TIAM1: variants seen among roughly 807,000 people sequenced by gnomAD.
TIAM1 encodes the protein TIAM Rac1 associated GEF 1.
In TIAM1, 65 loss-of-function variants were observed where a neutral mutation model predicts 163.5. The observed-to-expected ratio is 0.40, with a 90% CI of 0.33 to 0.49. The LOEUF is 0.49. Ranked by LOEUF, TIAM1 falls within the 20% of genes least tolerant of loss-of-function variation. The pLI is 0.77. For synonymous variants in TIAM1, 833 were observed against 810.1 expected (o/e 1.03, Z -0.48); for missense variants, 1,789 against 2,044.7 (o/e 0.87, Z 2.41).
At chr21:31,219,079 T>C (rs986497732) in intron 8 of TIAM1, among the ~76,000 whole-genome samples, 1 of 138,856 alleles carries the variant, frequency 7.2e-6, no homozygotes, top group Non-Finnish European at 1.5e-5. Context: ...TCACCCAGGC[T>C]GGAGTCCAGT....
chr21:31,202,711 C>T (rs546367593), intron 12 of TIAM1, among the ~76,000 whole-genome samples, 197 bp downstream of exon 12: 2 of 152,340 alleles, frequency 1.3e-5, no homozygotes, highest in South Asian at 4.1e-4. Flanking sequence ...TGCACTGCTT[C>T]GTGCGTAAAC....
At chr21:31,463,660 A>T (rs1367657513) in intron 2 of TIAM1, among the ~76,000 whole-genome samples, 1 of 152,114 alleles carries the variant, frequency 6.6e-6, no homozygotes, top group African/African-American at 2.4e-5. Context: ...TCTACTAAAA[A>T]TACAAAAATC....
At chr21:31,135,805 G>T in intron 23 of TIAM1, 128 bp downstream of exon 23, 1 of 828,894 alleles carries the variant, frequency 1.2e-6, no homozygotes, top group South Asian at 1.7e-5. Context: ...GGCTACGGCA[G>T]GAAGACCGAT....
At chr21:31,539,341 C>T (rs894817146) in intron 1 of TIAM1, among the ~76,000 whole-genome samples, 1 of 150,538 alleles carries the variant, frequency 6.6e-6, no homozygotes, top group African/African-American at 2.5e-5. Context: ...TCTCGGCTCA[C>T]TGCAAGCTCC....
intron 1 of TIAM1, among the ~76,000 whole-genome samples, chr21:31,469,587 G>C (rs2045662797): frequency 6.6e-6 from 1 of 152,120 alleles, no homozygotes; most frequent in African/African-American, 2.4e-5. Context: ...CCAGCACTTT[G>C]GGAGGCCAAG....
At chr21:31,495,028 A>G (rs912823797) in intron 1 of TIAM1, among the ~76,000 whole-genome samples, 1 of 152,188 alleles carries the variant, frequency 6.6e-6, no homozygotes. Flanking sequence ...AATACTCTAA[A>G]ATAGGTCAGG....
At chr21:31,481,870 C>G (rs1028450050) in intron 1 of TIAM1, among the ~76,000 whole-genome samples, 1 of 152,006 alleles carries the variant, frequency 6.6e-6, no homozygotes, top group Non-Finnish European at 1.5e-5. Flanking sequence ...CAATCTCTCG[C>G]CCCTCTCTCC....
chr21:31,399,609 G>A (rs552467644), intron 2 of TIAM1, among the ~76,000 whole-genome samples: 1 of 152,256 alleles, frequency 6.6e-6, no homozygotes, highest in South Asian at 2.1e-4. Flanking sequence ...GGAGGATTTT[G>A]TGTCTTGAGA....
At chr21:31,132,581 C>A (rs1462230338) in intron 23 of TIAM1, among the ~76,000 whole-genome samples, 3 of 152,166 alleles carry the variant, frequency 2.0e-5, no homozygotes, top group Non-Finnish European at 4.4e-5. Flanking sequence ...CTCAGAAGCG[C>A]CACCATGCCA....
intron 2 of TIAM1, among the ~76,000 whole-genome samples, chr21:31,297,630 C>T (rs1313886427): frequency 6.6e-6 from 1 of 152,158 alleles, no homozygotes; most frequent in Non-Finnish European, 1.5e-5. Context: ...GTGATCCACC[C>T]GCCTTGGCCT....
At chr21:31,194,523 T>TA (rs955773080) in intron 13 of TIAM1, among the ~76,000 whole-genome samples, 1 of 152,202 alleles carries the variant, frequency 6.6e-6, no homozygotes, top group Non-Finnish European at 1.5e-5. Flanking sequence ...TAGTATATGT[T>TA]AAACAAAAAT....
rs1055675167 is a variant in TIAM1 at position 31,477,706 on chromosome 21, T to C, written c.-421-13671A>G. ...GGCCAGGCTAGTCTCAAACTCTAAA[T>C]GCATTTTTTTAAAATTGAGATCAGG... On this transcript the variant is annotated intron_variant, in intron 1 of 28. Transcript: ENST00000286827. Among the ~76,000 whole-genome samples, 177 of 152,056 alleles carry C rather than the reference T, an allele frequency of 1.2e-3. 15 individuals are homozygous for C. Among genetic ancestry groups the C allele is most frequent in the African/African-American group, 4.8e-5 (2 of 41,406 alleles).
At position 31,381,593 on chromosome 21, in the gene TIAM1, G is replaced by A. The variant is rs529959120; in HGVS notation, c.-368-42171C>T. ...TGAGGAACAGGAATCACTTGAACAT[G>A]GGAGGCGGAGGTTGCAGTGAGCTGA... On this transcript the variant is annotated intron_variant, in intron 2 of 28. Transcript: ENST00000286827. Among the ~76,000 whole-genome samples the A allele has an allele frequency of 6.6e-5, 10 of 152,272 alleles. No homozygotes were observed. The South Asian group carries it at 2.1e-3, about 32-fold the overall frequency.
intron 1 of TIAM1, among the ~76,000 whole-genome samples, chr21:31,531,338 G>C (rs2047963354): frequency 1.3e-5 from 2 of 152,168 alleles, no homozygotes; most frequent in Admixed American, 6.5e-5. Context: ...TATGCTGTGA[G>C]CCAGCCACCG....
intron 1 of TIAM1, among the ~76,000 whole-genome samples, chr21:31,511,321 G>A (rs564845175): frequency 5.9e-5 from 9 of 152,240 alleles, no homozygotes; most frequent in Admixed American, 3.9e-4. Context: ...GAAAGCCTCC[G>A]TCAACACTAT....
intron 15 of TIAM1, among the ~76,000 whole-genome samples, chr21:31,170,217 A>G (rs2084436685): frequency 6.6e-6 from 1 of 152,218 alleles, no homozygotes; most frequent in African/African-American, 2.4e-5. Flanking sequence ...GGAAAACTAT[A>G]TTAGGCAAAC....
At chr21:31,326,276 A>G (rs1340420532) in intron 2 of TIAM1, among the ~76,000 whole-genome samples, 2 of 152,186 alleles carry the variant, frequency 1.3e-5, no homozygotes, top group Non-Finnish European at 2.9e-5. Flanking sequence ...GATCAAAGTT[A>G]TGGTCCTCTC....
At chr21:31,547,159 A>C (rs988349880) in intron 1 of TIAM1, among the ~76,000 whole-genome samples, 2 of 152,134 alleles carry the variant, frequency 1.3e-5, no homozygotes, top group African/African-American at 4.8e-5. Context: ...AGCCCTTCCC[A>C]CTCTAATAAG....
intron 2 of TIAM1, among the ~76,000 whole-genome samples, chr21:31,376,699 G>A (rs1404983296): frequency 6.6e-6 from 1 of 151,766 alleles, no homozygotes; most frequent in Non-Finnish European, 1.5e-5. Flanking sequence ...GTGCCTACAT[G>A]CTGACTAATG....
Sources: gnomAD v4.1 joint callset for allele counts (sites outside exome capture counted in the v4.1 genomes callset) on GRCh38, gnomAD v4.1.1 for gene constraint, MANE v1.5 for transcripts, NCBI Gene and HGNC (gene_info 2026-07-23, HGNC 2026-07-21) for gene names.